Variants in RHBDF2 observed in about 807,000 individuals in gnomAD.
RHBDF2 encodes rhomboid 5 homolog 2, also known as inactive rhomboid protein 2.
RHBDF2 carries 38 observed loss-of-function variants against 95.2 expected under a neutral mutation model. That is an observed-to-expected ratio of 0.40 (90% CI 0.31 to 0.52). RHBDF2 has a LOEUF of 0.52. RHBDF2 is among the 20% of genes least tolerant of loss of function. The pLI, the probability that RHBDF2 is intolerant of heterozygous loss-of-function variation, is 0.56. For synonymous variants in RHBDF2, 442 were observed against 462.0 expected, an observed-to-expected ratio of 0.96 and a Z score of 0.55; for missense variants, 863 against 1,137.7, an observed-to-expected ratio of 0.76 and a Z score of 3.47.
Position 76,475,109 on chromosome 17 carries a change from T to C in RHBDF2, c.1148A>G (p.His383Arg). Reference sequence around the variant, plus strand: ...AATCACCAGCAGCGTGATGATGACATGGACGAAGGTCAGCCAGTAGGTGAA... The same window carrying C: ...AATCACCAGCAGCGTGATGATGACACGGACGAAGGTCAGCCAGTAGGTGAA... Reference protein sequence around the residue: ...PYFTYWLTFVHVIITLLVICT... With the variant: ...PYFTYWLTFVRVIITLLVICT... The change falls in exon 10 of 19, where the codon CAT becomes CGT. Residue 383 changes from histidine to arginine, a missense_variant. His to Arg is a conservative substitution (Grantham distance 29). This residue lies in a region of RHBDF2 where 611 missense variants were observed against 725.5 expected (regional missense o/e 0.84). Coordinates refer to ENST00000675367, the MANE Select transcript of RHBDF2 (RefSeq NM_001005498.4). 1 of 1,599,694 alleles carries C rather than the reference T, an allele frequency of 6.3e-7. No homozygotes were observed. Among genetic ancestry groups the C allele is most frequent in the Non-Finnish European group, 8.5e-7 (1 of 1,174,140 alleles).
At chr17:76,474,225 T>A in intron 12 of RHBDF2, 83 bp from the exon 13 acceptor site, 1 of 1,320,554 alleles carries the variant, frequency 7.6e-7, no homozygotes, top group Non-Finnish European at 1.1e-6. Flanking sequence ...GCTTTTCCCA[T>A]CTCCCCAGGG....
At chr17:76,494,029 G>A (rs946407783) in intron 1 of RHBDF2, among the ~76,000 whole-genome samples, 4 of 152,196 alleles carry the variant, frequency 2.6e-5, no homozygotes, top group South Asian at 2.1e-4. Context: ...TGGCTGGGGC[G>A]TCATAAGCCA....
chr17:76,484,003 T>C (rs2074048315), intron 2 of RHBDF2, among the ~76,000 whole-genome samples: 1 of 152,204 alleles, frequency 6.6e-6, no homozygotes, highest in Non-Finnish European at 1.5e-5. Flanking sequence ...GGCTCATGCC[T>C]GTACTCCCAG....
At chr17:76,494,010 C>T (rs979213812) in intron 1 of RHBDF2, among the ~76,000 whole-genome samples, 2 of 152,176 alleles carry the variant, frequency 1.3e-5, no homozygotes, top group African/African-American at 2.4e-5. Flanking sequence ...CCCCTTAACC[C>T]GGTTAGAGTG....
Position 76,479,026 on chromosome 17 carries a change from C to T in RHBDF2, c.469-17G>A, listed in dbSNP as rs373495992. ...ATCCACAATCTGGAAGGGAGGGGGG[C>T]GGTAAGCAGAGCCATTAGGGTCCCC... is the stretch of plus-strand genomic sequence containing the variant. On this transcript the variant is annotated splice_polypyrimidine_tract_variant and intron_variant, in intron 5 of 18. Coordinates refer to ENST00000675367, the MANE Select transcript of RHBDF2 (RefSeq NM_001005498.4). The T allele has an allele frequency of 7.2e-5, 116 of 1,607,106 alleles. No individual in the cohort carries two copies. The highest frequency in any genetic ancestry group is 3.1e-4 in the South Asian group (28 of 90,452).
At position 76,480,680 on chromosome 17, in the gene RHBDF2, C is replaced by G. The variant is rs551580299; in HGVS notation, c.150+695G>C. 7.9e-5 allele frequency among the ~76,000 whole-genome samples: 12 copies of G among 152,330 alleles called. No homozygotes were observed. The East Asian group carries it at 2.1e-3, about 27-fold the overall frequency. On this transcript the variant is annotated intron_variant, in intron 3 of 18. Coordinates refer to ENST00000675367, the MANE Select transcript of RHBDF2 (RefSeq NM_001005498.4). The stretch of plus-strand genomic sequence containing the variant: ...AGATTACAGGCATGAGGCGACCTCG[C>G]CCAGCCTCATTCTGAATTTAAAATC...
rs2073564906 is a variant in RHBDF2 at position 76,471,639 on chromosome 17, C to T, written c.2478G>A (p.Leu826=). ...FCEKYELDQV[L]H Reference sequence around the variant, plus strand: ...CAGCCGTGTGGCCCAGCGGTCAGTGCAGCACCTGGTCCAGCTCATACTTCT... The same window carrying T: ...CAGCCGTGTGGCCCAGCGGTCAGTGTAGCACCTGGTCCAGCTCATACTTCT... Residue 826 remains leucine (L), a synonymous_variant, in exon 19 of 19, where the codon CTG becomes CTA. Coordinates refer to ENST00000675367, the MANE Select transcript of RHBDF2 (RefSeq NM_001005498.4). 2 of 1,598,040 alleles carry T rather than the reference C, an allele frequency of 1.3e-6. No homozygotes were observed. Among genetic ancestry groups the T allele is most frequent in the Admixed American group, 1.7e-5 (1 of 59,148 alleles).
chr17:76,477,489 C>A (rs1300626525), intron 7 of RHBDF2, among the ~76,000 whole-genome samples, 168 bp downstream of exon 7: 1 of 137,346 alleles, frequency 7.3e-6, no homozygotes, highest in Non-Finnish European at 1.7e-5. Context: ...CTTCACCCTA[C>A]CCAACAGAAA....
At position 76,471,864 on chromosome 17, in the gene RHBDF2, G is replaced by A. The variant is rs541926761; in HGVS notation, c.2253C>T (p.Gly751=). Reference sequence around the variant, plus strand: ...GCAGGAAGGCGAAGGCCAGCAGCAGGCCACTGAGGAAGCCGAAGATGTGGG... The same window carrying A: ...GCAGGAAGGCGAAGGCCAGCAGCAGACCACTGAGGAAGCCGAAGATGTGGG... ...NIAHIFGFLS[G]LLLAFAFLPY... The change falls in exon 19 of 19, where the codon GGC becomes GGT. Residue 751 remains glycine (G), a synonymous_variant. Coordinates refer to ENST00000675367, the MANE Select transcript of RHBDF2 (RefSeq NM_001005498.4). 4 of 1,589,376 alleles carry A rather than the reference G, an allele frequency of 2.5e-6. No homozygotes were observed. The highest frequency in any genetic ancestry group is 3.4e-6 in the Non-Finnish European group (4 of 1,167,922).
rs775201514 is a variant in RHBDF2, at chr17:76,477,310, G to A, written c.802-12C>T. The A allele has an allele frequency of 2.5e-6, 4 of 1,609,906 alleles. No homozygotes were observed. In the African/African-American group the frequency reaches 4.0e-5, roughly 16 times the overall value. ...GAGCTCATTTCTTCCTGGGGTGGGG[G>A]ACAAGAAAATACAGTGTAAGGAGTC... is the stretch of plus-strand genomic sequence containing the variant. On this transcript the variant is annotated splice_polypyrimidine_tract_variant and intron_variant, in intron 7 of 18. Coordinates refer to ENST00000675367, the MANE Select transcript of RHBDF2 (RefSeq NM_001005498.4).
At chr17:76,498,870 TTGTGTGTGTCTGTG>T (rs1206161878) in intron 1 of RHBDF2, among the ~76,000 whole-genome samples, 3 of 129,618 alleles carry the variant, frequency 2.3e-5, no homozygotes, top group African/African-American at 8.1e-5. Flanking sequence ...GTGTGTCTGT[TTGTGTGTGTCTGTG>T]TGTGTGTGTG....
In RHBDF2 at chr17:76,473,737, G is replaced by A; in HGVS notation, c.1644C>T (p.Cys548=). 6.2e-7 allele frequency: 1 copy of A among 1,611,890 alleles called. No individual in the cohort carries two copies. The highest frequency in any genetic ancestry group is 1.1e-5 in the South Asian group (1 of 90,652). ...WPDDITKWPI[C]TEQARSNHTG... Reference sequence around the variant, plus strand: ...TGTGGTTGCTCCTGGCCTGCTCTGTGCAGATCTGCCAGGAGGGGGCACCGG... The same window carrying A: ...TGTGGTTGCTCCTGGCCTGCTCTGTACAGATCTGCCAGGAGGGGGCACCGG... Residue 548 remains cysteine, a synonymous_variant, in exon 15 of 19, where the codon TGC becomes TGT. Coordinates refer to ENST00000675367, the MANE Select transcript of RHBDF2 (RefSeq NM_001005498.4).
chr17:76,472,496 A>G (rs1199291313), intron 18 of RHBDF2, 190 bp downstream of exon 18: 3 of 726,410 alleles, frequency 4.1e-6, no homozygotes, highest in African/African-American at 3.5e-5. Context: ...GGGTGACTCA[A>G]GAGCATCACT....
intron 10 of RHBDF2, 111 bp downstream of exon 10, chr17:76,474,919 G>A: frequency 6.7e-7 from 1 of 1,500,984 alleles, no homozygotes; most frequent in Non-Finnish European, 9.1e-7. Flanking sequence ...GCTATGGTGA[G>A]CACCACCCTG....
intron 15 of RHBDF2, 32 bp downstream of exon 15, chr17:76,473,616 G>A: frequency 1.9e-6 from 3 of 1,559,094 alleles, no homozygotes; most frequent in Non-Finnish European, 2.6e-6. Flanking sequence ...GGGGGCAGTG[G>A]GATGGCTGAG....
chr17:76,495,550 G>A (rs1351608573), intron 1 of RHBDF2, among the ~76,000 whole-genome samples: 1 of 152,206 alleles, frequency 6.6e-6, no homozygotes, highest in African/African-American at 2.4e-5. Flanking sequence ...CCATGAACGA[G>A]GGCTCACCCC....
chr17:76,488,532 G>C (rs1327220789), intron 1 of RHBDF2, among the ~76,000 whole-genome samples: 1 of 151,260 alleles, frequency 6.6e-6, no homozygotes, highest in Admixed American at 6.6e-5. Context: ...TTTTTGGGCA[G>C]GGTGCAGGCG....
chr17:76,475,164 A>G, intron 9 of RHBDF2, 23 bp from the exon 10 acceptor site: 1 of 1,522,044 alleles, frequency 6.6e-7, no homozygotes, highest in Non-Finnish European at 9.0e-7. Context: ...ACCTCGGGTC[A>G]GCTGAGCCGA....
intron 1 of RHBDF2, among the ~76,000 whole-genome samples, chr17:76,500,737 C>A (rs2074556679): frequency 6.6e-6 from 1 of 152,192 alleles, no homozygotes; most frequent in South Asian, 2.1e-4. Flanking sequence ...GGGGGAACAT[C>A]CGAGGGGCCA....
Sources: allele counts gnomAD v4.1 joint callset (sites outside exome capture counted in the v4.1 genomes callset), GRCh38; gene constraint gnomAD v4.1.1; regional missense constraint gnomAD v4.1.1; transcripts MANE v1.5; gene names NCBI Gene and HGNC (gene_info 2026-07-23, HGNC 2026-07-21).